Variants in SAMD4A observed in about 807,000 individuals in gnomAD.
SAMD4A encodes the protein sterile alpha motif domain containing 4A, also known as protein Smaug homolog 1.
In SAMD4A, 33 loss-of-function variants were observed where a neutral mutation model predicts 81.3. That is an observed-to-expected ratio of 0.41 (90% CI 0.31 to 0.54). The LOEUF (loss-of-function observed/expected upper bound fraction) is 0.54. Among genes scored for constraint, SAMD4A ranks in the 20% least tolerant of loss-of-function variants. SAMD4A has a pLI of 0.37. For missense variants in SAMD4A, 854 were observed against 951.1 expected (o/e 0.90, Z 1.34); for synonymous variants, 389 against 382.1 (o/e 1.02, Z -0.21).
chr14:54,652,189 A>G (rs1443965971), intron 2 of SAMD4A, among the ~76,000 whole-genome samples: 1 of 152,256 alleles, frequency 6.6e-6, no homozygotes, highest in Non-Finnish European at 1.5e-5. Flanking sequence ...CCTGGGAATC[A>G]TGGCAGTTAT....
chr14:54,699,677 T>C (rs2140726712), intron 2 of SAMD4A, among the ~76,000 whole-genome samples: 1 of 152,368 alleles, frequency 6.6e-6, no homozygotes, highest in South Asian at 2.1e-4. Context: ...GTACATTACC[T>C]GTTTATTCTG....
intron 2 of SAMD4A, among the ~76,000 whole-genome samples, chr14:54,607,525 T>G (rs1411433202): frequency 5.8e-4 from 88 of 151,326 alleles, no homozygotes; most frequent in African/African-American, 2.1e-3. Context: ...GCACGATCTC[T>G]GCTCACTGCA....
intron 2 of SAMD4A, among the ~76,000 whole-genome samples, chr14:54,684,163 C>A (rs753823544): frequency 3.3e-5 from 5 of 152,166 alleles, no homozygotes; most frequent in African/African-American, 4.8e-5. Context: ...AAGGGTGCTA[C>A]CTTAAAGCCA....
At chr14:54,706,537 A>G (rs1488185936) in intron 3 of SAMD4A, among the ~76,000 whole-genome samples, 1 of 149,006 alleles carries the variant, frequency 6.7e-6, no homozygotes, top group Non-Finnish European at 1.5e-5. Context: ...CCTGGGAGAC[A>G]GAGGTTGTAG....
chr14:54,683,463 C>G (rs1017294487), intron 2 of SAMD4A, among the ~76,000 whole-genome samples: 2 of 152,160 alleles, frequency 1.3e-5, no homozygotes, highest in Middle Eastern at 3.2e-3. Context: ...TCTATCAGAT[C>G]TATAACCATC....
At chr14:54,652,876 A>T (rs1219352339) in intron 2 of SAMD4A, 3 of 152,184 alleles carry the variant, frequency 2.0e-5, no homozygotes. Flanking sequence ...GGGAGAGTTA[A>T]GTAATCCTAT....
chr14:54,781,366 A>C (rs561983473), intron 11 of SAMD4A, among the ~76,000 whole-genome samples: 1 of 152,332 alleles, frequency 6.6e-6, no homozygotes, highest in South Asian at 2.1e-4. Context: ...GCAGCACCTC[A>C]TTAGGGATGG....
chr14:54,754,834 G>T (rs1283103207), intron 6 of SAMD4A: 1 of 987,938 alleles, frequency 1.0e-6, no homozygotes, highest in African/African-American at 1.7e-5. Flanking sequence ...CTTTTGTTCA[G>T]TTACTGAACC....
At chr14:54,576,142 A>G (rs748503499) in intron 2 of SAMD4A, among the ~76,000 whole-genome samples, 24 of 150,866 alleles carry the variant, frequency 1.6e-4, no homozygotes, top group Middle Eastern at 3.2e-3. Context: ...GAGCACTCCC[A>G]TAAAGTGCAG....
intron 11 of SAMD4A, among the ~76,000 whole-genome samples, chr14:54,778,681 A>G (rs1048540503): frequency 6.6e-6 from 1 of 152,190 alleles, no homozygotes; most frequent in Non-Finnish European, 1.5e-5. Context: ...AGATCCTCAC[A>G]TGGCATTTTT....
chr14:54,645,021 A>G (rs1173288354), intron 2 of SAMD4A, among the ~76,000 whole-genome samples: 1 of 152,212 alleles, frequency 6.6e-6, no homozygotes, highest in Non-Finnish European at 1.5e-5. Flanking sequence ...TTCTTAAGTG[A>G]CATTCAGTGT....
rs747479319 is a variant in SAMD4A, at chr14:54,784,431, C to T, written c.2045-106C>T. On this transcript the variant is annotated intron_variant, in intron 11 of 12. Coordinates refer to ENST00000554335, the MANE Select transcript of SAMD4A (RefSeq NM_015589.6). ...CTTCCATGCCAGCGCTGACAGTCCCCAAGTCCTCCCAGGGAGGTACACCAG... is the reference window on the plus strand; with the variant it reads ...CTTCCATGCCAGCGCTGACAGTCCCTAAGTCCTCCCAGGGAGGTACACCAG... 5 of 1,611,300 alleles carry T rather than the reference C, an allele frequency of 3.1e-6. No individual in the cohort carries two copies. In the African/African-American group the frequency reaches 5.3e-5, roughly 17 times the overall value.
chr14:54,648,312 A>G (rs1042217617), intron 2 of SAMD4A, among the ~76,000 whole-genome samples: 2 of 152,228 alleles, frequency 1.3e-5, no homozygotes, highest in African/African-American at 4.8e-5. Flanking sequence ...GGGCAGATTG[A>G]GACTTCAGTG....
intron 3 of SAMD4A, among the ~76,000 whole-genome samples, chr14:54,717,559 A>G (rs536407726): frequency 9.1e-4 from 139 of 152,324 alleles, no homozygotes; most frequent in African/African-American, 3.2e-3. Context: ...GTATTAATCT[A>G]AAAGTCCATA....
At chr14:54,600,407 A>G (rs548461011) in intron 2 of SAMD4A, among the ~76,000 whole-genome samples, 1 of 152,188 alleles carries the variant, frequency 6.6e-6, no homozygotes, top group South Asian at 2.1e-4. Context: ...ACAAATCTTC[A>G]TTAAGTTCAT....
intron 2 of SAMD4A, among the ~76,000 whole-genome samples, chr14:54,641,820 TAG>T (rs2035180770): frequency 6.6e-6 from 1 of 152,156 alleles, no homozygotes. Flanking sequence ...TTTTTTGAGA[TAG>T]AGTCTCGCTC....
intron 2 of SAMD4A, among the ~76,000 whole-genome samples, chr14:54,611,988 G>A (rs776162772): frequency 4.6e-5 from 7 of 152,068 alleles, no homozygotes; most frequent in Non-Finnish European, 7.4e-5. Flanking sequence ...TGATCATGCC[G>A]TCACCCTGAT....
intron 6 of SAMD4A, among the ~76,000 whole-genome samples, chr14:54,756,003 C>A (rs1215799661): frequency 6.6e-6 from 1 of 152,144 alleles, no homozygotes; most frequent in African/African-American, 2.4e-5. Flanking sequence ...CTCTGTAAGC[C>A]TGCGCCTTTT....
At position 54,591,100 on chromosome 14, in the gene SAMD4A, G is replaced by A. The variant is rs76640731; in HGVS notation, c.196+22988G>A. Among the ~76,000 whole-genome samples, 280 of 152,250 alleles carry A rather than the reference G, an allele frequency of 1.8e-3. 5 individuals carry two copies. The South Asian group carries it at 0.027, about 15-fold the overall frequency. On this transcript the variant is annotated intron_variant, in intron 2 of 12. Coordinates refer to ENST00000554335, the MANE Select transcript of SAMD4A (RefSeq NM_015589.6). ...AGGGGCTATTTTTCTGGCTGTCACC[G>A]TGATTGGCTTTTAGCACAGAATGAT...
Sources: allele counts gnomAD v4.1 joint callset (sites outside exome capture counted in the v4.1 genomes callset), GRCh38; gene constraint gnomAD v4.1.1; transcripts MANE v1.5; gene names NCBI Gene and HGNC (gene_info 2026-07-23, HGNC 2026-07-21).